Variants in ADD3 observed in about 807,000 individuals in gnomAD.
ADD3 encodes gamma-adducin.
In ADD3, 25 loss-of-function variants were observed where a neutral mutation model predicts 80.2. The ratio of observed to expected loss-of-function variants is 0.31; its 90% CI spans 0.23 to 0.44. The LOEUF (loss-of-function observed/expected upper bound fraction) is 0.44. Ranked by LOEUF, ADD3 falls within the 20% of genes least tolerant of loss-of-function variation. The probability of loss-of-function intolerance (pLI) is 1.00; values close to 1 mark genes in which losing one functional copy is unlikely to be tolerated. For missense variants in ADD3, 829 were observed against 847.5 expected (o/e 0.98, Z 0.27); for synonymous variants, 284 against 289.6 (o/e 0.98, Z 0.20).
At chr10:110,077,509 T>G (rs992805282) in intron 1 of ADD3, among the ~76,000 whole-genome samples, 2 of 152,186 alleles carry the variant, frequency 1.3e-5, no homozygotes. Context: ...CATCGTGACA[T>G]GAACTTTGTG....
chr10:110,024,930 CTTT>C (rs769862106), intron 1 of ADD3, among the ~76,000 whole-genome samples: 5 of 141,464 alleles, frequency 3.5e-5, no homozygotes, highest in Non-Finnish European at 3.1e-5. Context: ...CTCCTCTTTT[CTTT>C]TTTTTTTTTT....
chr10:110,034,545 C>A (rs1252127189), intron 1 of ADD3, among the ~76,000 whole-genome samples: 3 of 151,828 alleles, frequency 2.0e-5, no homozygotes, highest in African/African-American at 4.8e-5. Flanking sequence ...CTCATTTGAG[C>A]TGAAAGGAAA....
intron 1 of ADD3, among the ~76,000 whole-genome samples, chr10:110,021,797 A>G (rs1275163307): frequency 6.6e-6 from 1 of 152,172 alleles, no homozygotes; most frequent in African/African-American, 2.4e-5. Context: ...GATAGTGGTG[A>G]TGGTTGTGCA....
chr10:110,007,955 C>A (rs1445623778), upstream of ADD3: 1 of 151,744 alleles, frequency 6.6e-6, no homozygotes, highest in East Asian at 2.0e-4. Context: ...GACCAAGGGA[C>A]GCTCGAGGGG....
chr10:110,126,494 G>A lies in ADD3; in HGVS notation c.1599G>A (p.Lys533=). The A allele has an allele frequency of 6.2e-7, 1 of 1,611,302 alleles. No homozygotes were observed. Among genetic ancestry groups the A allele is most frequent in the South Asian group, 1.1e-5 (1 of 90,992 alleles). ...SQLLAGIVVD[K]PPSTMQFEDD... is the part of the protein sequence containing the mutation. ...TGCTTGCTGGAATTGTTGTGGATAA[G>A]CCACCTTCTGTAAGTTTATGAAGTA... is the stretch of plus-strand genomic sequence containing the variant. The change falls in exon 12 of 15, where the codon AAG becomes AAA. Residue 533 remains lysine, a synonymous_variant. Coordinates refer to ENST00000356080, the MANE Select transcript of ADD3 (RefSeq NM_016824.5).
chr10:110,133,149 T>A (rs1157842549), intron 14 of ADD3, among the ~76,000 whole-genome samples, 177 bp from the exon 15 acceptor site: 1 of 152,184 alleles, frequency 6.6e-6, no homozygotes, highest in Non-Finnish European at 1.5e-5. Context: ...TTCCCCTTTA[T>A]ATCATTAAAG....
At chr10:110,070,807 A>C (rs1318254246) in intron 1 of ADD3, among the ~76,000 whole-genome samples, 1 of 151,978 alleles carries the variant, frequency 6.6e-6, no homozygotes, top group Non-Finnish European at 1.5e-5. Context: ...AAGCTTACTT[A>C]TCATATCTGA....
At chr10:110,061,422 T>A (rs1370622206) in intron 1 of ADD3, among the ~76,000 whole-genome samples, 1 of 152,124 alleles carries the variant, frequency 6.6e-6, no homozygotes, top group Non-Finnish European at 1.5e-5. Flanking sequence ...AAAGTATAAA[T>A]GAGACAGGAT....
intron 5 of ADD3, among the ~76,000 whole-genome samples, chr10:110,117,838 A>C (rs1329428857): frequency 6.6e-6 from 1 of 152,154 alleles, no homozygotes; most frequent in African/African-American, 2.4e-5. Context: ...ACATGGTGAA[A>C]CCCCATCTCT....
intron 1 of ADD3, among the ~76,000 whole-genome samples, chr10:110,015,550 T>C (rs992526251): frequency 6.6e-6 from 1 of 152,016 alleles, no homozygotes; most frequent in African/African-American, 2.4e-5. Context: ...TAATTTTTTA[T>C]ATTTTAGTGG....
At position 110,117,352 on chromosome 10, in the gene ADD3, G is replaced by A. The variant is rs1850867704; in HGVS notation, c.497G>A (p.Ser166Asn). ...TGTTTTTTTTTCCAGGTAAGAATAA[G>A]TAAGGAGCAAGACCACATTATAATA... ...LANTYISVRI[S>N]KEQDHIIIIP... The change falls in exon 5 of 15, where the codon AGT becomes AAT. Residue 166 changes from serine to asparagine, a missense_variant. Transcript: ENST00000356080. The A allele has an allele frequency of 1.3e-6, 2 of 1,589,934 alleles. No individual in the cohort carries two copies. Among genetic ancestry groups the A allele is most frequent in the Non-Finnish European group, 8.6e-7 (1 of 1,160,590 alleles).
At chr10:110,026,253 A>T (rs1057199221) in intron 1 of ADD3, among the ~76,000 whole-genome samples, 1 of 150,672 alleles carries the variant, frequency 6.6e-6, no homozygotes, top group African/African-American at 2.4e-5. Flanking sequence ...AGTGAAATAG[A>T]TTATAGAACT....
At chr10:110,096,923 G>C (rs1027761957) in intron 1 of ADD3, among the ~76,000 whole-genome samples, 8 of 152,138 alleles carry the variant, frequency 5.3e-5, no homozygotes, top group Non-Finnish European at 1.5e-5. Flanking sequence ...GGTGGAAAGG[G>C]CTCTACAAGT....
At chr10:110,006,033 T>C (rs749337983), upstream of ADD3, 16 of 240,384 alleles carry the variant, frequency 6.7e-5, no homozygotes, top group Non-Finnish European at 1.2e-4. Context: ...GCTGCTGCTG[T>C]TGGTCTGAGG....
rs531591949 is a variant in ADD3, at chr10:110,105,347, T to A, written c.195+4499T>A. On this transcript the variant is annotated intron_variant, in intron 2 of 14. Coordinates refer to ENST00000356080, the MANE Select transcript of ADD3 (RefSeq NM_016824.5). ...AAAACGAAGTGTTCAGGACAAACTA[T>A]TGGAATTAAGTGATTCCTTTTCAAA... Among the ~76,000 whole-genome samples, 10 of 152,306 alleles carry A rather than the reference T, an allele frequency of 6.6e-5. No individual in the cohort carries two copies. The South Asian group carries it at 2.1e-3, about 32-fold the overall frequency.
intron 11 of ADD3, 112 bp downstream of exon 11, chr10:110,126,057 T>C: frequency 8.8e-7 from 1 of 1,140,618 alleles, no homozygotes; most frequent in African/African-American, 1.6e-5. Context: ...ACAGAAGAAT[T>C]TGGAATTTAA....
chr10:110,099,601 A>G (rs1385754102), intron 1 of ADD3, among the ~76,000 whole-genome samples: 2 of 152,262 alleles, frequency 1.3e-5, no homozygotes, highest in African/African-American at 4.8e-5. Context: ...TGTATCTTAT[A>G]TATTTGTATG....
In ADD3 at chr10:110,120,063, C is replaced by T. The variant is rs977560367; in HGVS notation, c.960+499C>T. On this transcript the variant is annotated intron_variant, in intron 8 of 14. Transcript: ENST00000356080. ...GAATGTATTTAAAGGCCCTAATTTT[C>T]TTTTTCTTTTTCTTTTTTTTTTAAT... Among the ~76,000 whole-genome samples, 31 of 142,572 alleles carry T rather than the reference C, an allele frequency of 2.2e-4. No homozygotes were observed. In the East Asian group the frequency reaches 5.7e-3, roughly 26 times the overall value. 93.5% of individuals were successfully genotyped at this position (142,572 alleles called of 152,430 possible). A position where few individuals can be genotyped will look rare whatever the true frequency, so the allele number is the denominator to read the frequency against.
At chr10:110,092,280 A>G (rs1043111666) in intron 1 of ADD3, among the ~76,000 whole-genome samples, 9 of 152,230 alleles carry the variant, frequency 5.9e-5, no homozygotes, top group African/African-American at 9.6e-5. Flanking sequence ...TGTTCATTGC[A>G]GCACTATCCA....
Sources: allele counts gnomAD v4.1 joint callset (sites outside exome capture counted in the v4.1 genomes callset), GRCh38; gene constraint gnomAD v4.1.1; transcripts MANE v1.5; gene names NCBI Gene and HGNC (gene_info 2026-07-23, HGNC 2026-07-21).